The following LINGO2 variants were observed in gnomAD, a reference collection of about 807,000 sequenced individuals.
LINGO2 encodes leucine-rich repeat and immunoglobulin-like domain-containing nogo receptor-interacting protein 2.
Under a neutral mutation model 30.6 loss-of-function variants are expected in LINGO2, and 14 were observed. The ratio of observed to expected loss-of-function variants is 0.46; its 90% CI spans 0.30 to 0.72. The LOEUF (loss-of-function observed/expected upper bound fraction) is 0.72, where lower values mean the gene tolerates loss of function less well. Ranked by LOEUF, LINGO2 falls within the 30% of genes least tolerant of loss-of-function variation. The probability of loss-of-function intolerance (pLI) is 0.07; values close to 1 mark genes in which losing one functional copy is unlikely to be tolerated. For missense variants in LINGO2, 729 were observed against 751.7 expected (o/e 0.97, Z 0.35); for synonymous variants, 317 against 288.5 (o/e 1.10, Z -1.00).
At position 28,049,168 on chromosome 9, in the gene LINGO2, ACAT is replaced by A. The variant is rs1452597581; in HGVS notation, c.-86-36766_-86-36764del. Among the ~76,000 whole-genome samples, 3 of 150,866 alleles carry A rather than the reference ACAT, an allele frequency of 2.0e-5. 1 individual carries two copies. The highest frequency in any genetic ancestry group is 7.3e-5 in the African/African-American group (3 of 40,832). On this transcript the variant is annotated intron_variant, in intron 4 of 5. Coordinates refer to ENST00000379992, the Ensembl canonical transcript of LINGO2. ...CTAGTCAGCAATGCATCATGGGACA[ACAT>A]CAAGAGCTCTGTGGCCCATAGTCAT...
chr9:28,020,169 T>A (rs986533605), intron 4 of LINGO2, among the ~76,000 whole-genome samples: 2 of 152,072 alleles, frequency 1.3e-5, no homozygotes, highest in African/African-American at 4.8e-5. Context: ...CCTCTCTAAG[T>A]GGGAAAATGA....
At chr9:27,968,949 A>G (rs1243645604) in intron 5 of LINGO2, among the ~76,000 whole-genome samples, 1 of 151,750 alleles carries the variant, frequency 6.6e-6, no homozygotes, top group African/African-American at 2.4e-5. Flanking sequence ...AGAGAAGATC[A>G]AATATGTATA....
At chr9:27,995,974 A>C (rs1275810381) in intron 5 of LINGO2, among the ~76,000 whole-genome samples, 2 of 152,144 alleles carry the variant, frequency 1.3e-5, no homozygotes, top group Admixed American at 1.3e-4. Flanking sequence ...AAACTTAAAA[A>C]CTTCAATAAA....
chr9:29,130,677 CTT>C, the LINGO2 span, among the ~76,000 whole-genome samples: 8 of 152,088 alleles, frequency 5.3e-5, no homozygotes, highest in Non-Finnish European at 1.0e-4. Flanking sequence ...TTTTAGCACA[CTT>C]TTCAAAATTT....
chr9:28,142,272 A>C lies in LINGO2; in HGVS notation c.-86-129867T>G, dbSNP rs376882856. On this transcript the variant is annotated intron_variant, in intron 4 of 5. Transcript: ENST00000379992. Reference sequence around the variant, plus strand: ...TAGTAAGTTTATCCTCTAAGAGAAAAGCAATAAAACCAACACACGAAATTA... The same window carrying C: ...TAGTAAGTTTATCCTCTAAGAGAAACGCAATAAAACCAACACACGAAATTA... Among the ~76,000 whole-genome samples the C allele has an allele frequency of 7.2e-5, 11 of 151,916 alleles. No homozygotes were observed. In the East Asian group the frequency reaches 1.9e-3, roughly 27 times the overall value.
chr9:28,134,849 G>T (rs763523708), intron 4 of LINGO2, among the ~76,000 whole-genome samples: 4 of 152,222 alleles, frequency 2.6e-5, no homozygotes, highest in Admixed American at 6.5e-5. Context: ...TAGGGAACGT[G>T]GCATGCAGGG....
chr9:28,042,893 C>T (rs904534903), intron 4 of LINGO2, among the ~76,000 whole-genome samples: 2 of 152,176 alleles, frequency 1.3e-5, no homozygotes, highest in African/African-American at 4.8e-5. Context: ...GCCACTTTGT[C>T]TCACTGCAGC....
intron 1 of LINGO2, among the ~76,000 whole-genome samples, chr9:28,649,401 G>A (rs1827985800): frequency 6.6e-6 from 1 of 152,154 alleles, no homozygotes; most frequent in South Asian, 2.1e-4. Context: ...CTAATTTATA[G>A]AGGGAAAAAC....
intron 4 of LINGO2, among the ~76,000 whole-genome samples, chr9:28,288,053 C>T (rs182140737): frequency 6.6e-5 from 10 of 152,256 alleles, no homozygotes; most frequent in Admixed American, 4.6e-4. Flanking sequence ...TGGACCTGAA[C>T]GCTCTTAGTT....
chr9:28,338,850 T>C (rs182047891), intron 3 of LINGO2, among the ~76,000 whole-genome samples: 92 of 152,218 alleles, frequency 6.0e-4, no homozygotes, highest in African/African-American at 2.0e-3. Context: ...CTTTATAAAT[T>C]ACCCAGTCTA....
intron 4 of LINGO2, among the ~76,000 whole-genome samples, chr9:28,207,787 C>G (rs1311079078): frequency 6.6e-6 from 1 of 152,062 alleles, no homozygotes; most frequent in Non-Finnish European, 1.5e-5. Context: ...TGGTGCCATG[C>G]CTAAAAATAA....
At chr9:29,061,127 A>G in the LINGO2 span, among the ~76,000 whole-genome samples, 1 of 152,038 alleles carries the variant, frequency 6.6e-6, no homozygotes, top group Non-Finnish European at 1.5e-5. Context: ...CAGCTAGGAA[A>G]AAAATTGGCA....
chr9:28,876,564 T>C, the LINGO2 span, among the ~76,000 whole-genome samples: 1 of 152,192 alleles, frequency 6.6e-6, no homozygotes, highest in Non-Finnish European at 1.5e-5. Context: ...TCTATGTCCC[T>C]ACAAAGGACA....
At chr9:28,738,843 T>C in the LINGO2 span, among the ~76,000 whole-genome samples, 1 of 152,008 alleles carries the variant, frequency 6.6e-6, no homozygotes, top group African/African-American at 2.4e-5. Flanking sequence ...TTTAAGTAAA[T>C]ATATTTGATA....
the LINGO2 span, among the ~76,000 whole-genome samples, chr9:28,905,028 G>A: frequency 6.6e-6 from 1 of 151,786 alleles, no homozygotes; most frequent in Non-Finnish European, 1.5e-5. Context: ...AACGGGCAAA[G>A]AACAGTCTCT....
At chr9:28,640,810 C>G (rs1329826352) in intron 1 of LINGO2, among the ~76,000 whole-genome samples, 2 of 152,112 alleles carry the variant, frequency 1.3e-5, no homozygotes, top group Non-Finnish European at 2.9e-5. Flanking sequence ...TCATCTGAAG[C>G]CTTCTTCTCT....
At chr9:27,943,074 A>G in the LINGO2 span, 1 of 150,946 alleles carries the variant, frequency 6.6e-6, no homozygotes, top group Non-Finnish European at 1.5e-5. Flanking sequence ...AGAATGAAAA[A>G]TTTTTTTTGC....
chr9:28,040,302 G>A (rs976176046), intron 4 of LINGO2, among the ~76,000 whole-genome samples: 18 of 152,110 alleles, frequency 1.2e-4, no homozygotes, highest in African/African-American at 4.3e-4. Context: ...GTTTGACCGG[G>A]AAGCCTTCAC....
intron 2 of LINGO2, among the ~76,000 whole-genome samples, chr9:28,459,948 T>A (rs1403751833): frequency 2.0e-5 from 3 of 152,112 alleles, no homozygotes; most frequent in Non-Finnish European, 1.5e-5. Context: ...TTTCAAAAAA[T>A]TATTTTAATA....
Sources: gnomAD v4.1 joint callset for allele counts (sites outside exome capture counted in the v4.1 genomes callset) on GRCh38, gnomAD v4.1.1 for gene constraint, MANE v1.5 for transcripts, NCBI Gene and HGNC (gene_info 2026-07-23, HGNC 2026-07-21) for gene names.